The following CCDC12 variants were observed in gnomAD, a reference collection of about 807,000 sequenced individuals.
CCDC12 encodes coiled-coil domain-containing protein 12.
Under a neutral mutation model 25.7 loss-of-function variants are expected in CCDC12, and 28 were observed. The ratio of observed to expected loss-of-function variants is 1.09; its 90% CI spans 0.81 to 1.50. CCDC12 has a LOEUF of 1.50. Ranked by LOEUF, CCDC12 falls within the 40% of genes most tolerant of loss-of-function variation. The pLI, the probability that CCDC12 is intolerant of heterozygous loss-of-function variation, is 0.00. For missense variants in CCDC12, 198 were observed against 210.0 expected, an observed-to-expected ratio of 0.94 and a Z score of 0.35; for synonymous variants, 75 against 87.7, an observed-to-expected ratio of 0.86 and a Z score of 0.81.
chr3:46,957,512 G>T (rs1297179226), intron 1 of CCDC12, among the ~76,000 whole-genome samples: 1 of 151,968 alleles, frequency 6.6e-6, no homozygotes, highest in Non-Finnish European at 1.5e-5. Context: ...ATGGATTTCT[G>T]TTGTTTGCAA....
chr3:46,923,622 G>C lies in CCDC12; in HGVS notation c.291C>G (p.Pro97=), dbSNP rs551526667. 4.4e-6 allele frequency: 7 copies of C among 1,595,246 alleles called. No homozygotes were observed. The African/African-American group carries it at 8.0e-5, about 18-fold the overall frequency. The part of the protein sequence containing the change: ...KEQLEAAKPE[P]VIEEVDLANL... Reference sequence around the variant, plus strand: ...AGGCACTCACCACCTCCTCGATGACGGGCTCGGGCTTGGCGGCCTCCAGCT... The same window carrying C: ...AGGCACTCACCACCTCCTCGATGACCGGCTCGGGCTTGGCGGCCTCCAGCT... The change falls in exon 4 of 7, where the codon CCC becomes CCG. Residue 97 remains proline, a synonymous_variant. Coordinates refer to ENST00000683445, the MANE Select transcript of CCDC12 (RefSeq NM_001277074.2).
At chr3:46,942,396 G>A (rs1348216956) in intron 1 of CCDC12, among the ~76,000 whole-genome samples, 2 of 152,260 alleles carry the variant, frequency 1.3e-5, no homozygotes, top group Non-Finnish European at 2.9e-5. Flanking sequence ...GCAGAGCAGT[G>A]TTCTAAGAGA....
chr3:46,944,674 C>T (rs529052828), intron 1 of CCDC12, among the ~76,000 whole-genome samples: 1 of 152,252 alleles, frequency 6.6e-6, no homozygotes, highest in East Asian at 1.9e-4. Flanking sequence ...TCCCCTCCAC[C>T]CCTGCCTGCC....
intron 1 of CCDC12, among the ~76,000 whole-genome samples, chr3:46,948,789 T>C (rs1162619618): frequency 6.6e-6 from 1 of 152,176 alleles, no homozygotes; most frequent in Admixed American, 6.5e-5. Context: ...TGCCCAGATA[T>C]CCTCCATGTG....
chr3:46,958,523 G>A (rs1402963096), intron 1 of CCDC12, among the ~76,000 whole-genome samples: 1 of 152,114 alleles, frequency 6.6e-6, no homozygotes, highest in Non-Finnish European at 1.5e-5. Flanking sequence ...TTCTCTCCCA[G>A]TTCATCTGCA....
At chr3:46,922,563 CA>C (rs1559545944) in intron 5 of CCDC12, 2 of 565,670 alleles carry the variant, frequency 3.5e-6, no homozygotes, top group Non-Finnish European at 6.3e-6. Flanking sequence ...TGAGCTAAGG[CA>C]AAGGTGGATG....
intron 1 of CCDC12, among the ~76,000 whole-genome samples, chr3:46,959,821 T>C (rs1343389339): frequency 6.6e-6 from 1 of 152,072 alleles, no homozygotes; most frequent in East Asian, 1.9e-4. Context: ...CTCCACCTCT[T>C]TCACACCTGG....
Position 46,923,490 on chromosome 3 carries a change from G to A in CCDC12, c.306+117C>T, listed in dbSNP as rs550272210. 8 of 1,454,290 alleles carry A rather than the reference G, an allele frequency of 5.5e-6. No individual in the cohort carries two copies. The East Asian group carries it at 1.2e-4, about 22-fold the overall frequency. The allele number at this position is 1,454,290 out of a possible 1,614,324, so 90.1% of individuals were successfully genotyped here. A position where few individuals can be genotyped will look rare whatever the true frequency, so the allele number is the denominator to read the frequency against. ...GGAGAGGGACGAGAGCAAAGGGGCT[G>A]GTGGGAAGGGAATAAAGAAGTGACG... On this transcript the variant is annotated intron_variant, in intron 4 of 6. Transcript: ENST00000683445.
intron 3 of CCDC12, among the ~76,000 whole-genome samples, chr3:46,924,423 G>A (rs1435001524): frequency 6.6e-6 from 1 of 152,226 alleles, no homozygotes; most frequent in Admixed American, 6.5e-5. Flanking sequence ...GCAAATCACG[G>A]GGAAGTGTCT....
chr3:46,938,294 T>TA (rs567699747), intron 2 of CCDC12, among the ~76,000 whole-genome samples: 174 of 152,260 alleles, frequency 1.1e-3, no homozygotes, highest in African/African-American at 4.1e-3. Context: ...CTGTAAGACC[T>TA]AACAGGAAGC....
chr3:46,960,915 T>A (rs781558094), intron 1 of CCDC12, among the ~76,000 whole-genome samples: 1 of 151,512 alleles, frequency 6.6e-6, no homozygotes, highest in Admixed American at 6.6e-5. Flanking sequence ...GTATGAGATA[T>A]GTATTGGTGT....
At chr3:46,948,951 A>G (rs574514090) in intron 1 of CCDC12, among the ~76,000 whole-genome samples, 2 of 152,018 alleles carry the variant, frequency 1.3e-5, no homozygotes, top group Non-Finnish European at 2.9e-5. Context: ...CTGTACTCAG[A>G]TACTCCATGC....
intron 1 of CCDC12, among the ~76,000 whole-genome samples, chr3:46,953,718 G>A (rs148616505): frequency 6.6e-6 from 1 of 151,640 alleles, no homozygotes; most frequent in Non-Finnish European, 1.5e-5. Flanking sequence ...ACACACCAGC[G>A]TCCCTCTGCA....
intron 2 of CCDC12, among the ~76,000 whole-genome samples, chr3:46,929,610 A>AC (rs2033118838): frequency 6.6e-6 from 1 of 152,170 alleles, no homozygotes; most frequent in Admixed American, 6.5e-5. Flanking sequence ...TGGTTCTGCC[A>AC]CCCCCATTTT....
chr3:46,954,776 T>C (rs998511627), intron 1 of CCDC12, among the ~76,000 whole-genome samples: 9 of 151,932 alleles, frequency 5.9e-5, no homozygotes, highest in African/African-American at 2.2e-4. Flanking sequence ...ATACAAAAAT[T>C]AGCTGGGCAT....
At chr3:46,972,150 C>T (rs1369396762) in intron 1 of CCDC12, among the ~76,000 whole-genome samples, 2 of 152,140 alleles carry the variant, frequency 1.3e-5, no homozygotes, top group East Asian at 3.9e-4. Flanking sequence ...TGAACTTCAT[C>T]AAATTTTAAA....
intron 1 of CCDC12, among the ~76,000 whole-genome samples, chr3:46,964,439 G>A (rs956749676): frequency 8.5e-5 from 13 of 152,274 alleles, no homozygotes; most frequent in African/African-American, 2.4e-4. Context: ...GCCACCACCC[G>A]TCTGGGAGGT....
intron 2 of CCDC12, among the ~76,000 whole-genome samples, chr3:46,935,613 G>C (rs1196928602): frequency 6.6e-6 from 1 of 152,198 alleles, no homozygotes; most frequent in Non-Finnish European, 1.5e-5. Flanking sequence ...CAGTACACAG[G>C]GGGCTGGGGG....
chr3:46,934,864 G>A (rs1033799065), intron 2 of CCDC12, among the ~76,000 whole-genome samples: 10 of 152,252 alleles, frequency 6.6e-5, no homozygotes, highest in African/African-American at 2.2e-4. Context: ...CTCAGGAGGC[G>A]TGATGGGAGC....
Sources: allele counts gnomAD v4.1 joint callset (sites outside exome capture counted in the v4.1 genomes callset), GRCh38; gene constraint gnomAD v4.1.1; transcripts MANE v1.5; gene names NCBI Gene and HGNC (gene_info 2026-07-23, HGNC 2026-07-21).